EVL: variants seen among roughly 807,000 people sequenced by gnomAD.
The protein encoded by EVL is Enah/Vasp-like.
In EVL, 21 loss-of-function variants were observed where a neutral mutation model predicts 59.6. The observed-to-expected ratio is 0.35, with a 90% CI of 0.25 to 0.51. The LOEUF is 0.51. Among genes scored for constraint, EVL ranks in the 20% least tolerant of loss-of-function variants. The probability of loss-of-function intolerance (pLI) is 0.97; values close to 1 mark genes in which losing one functional copy is unlikely to be tolerated. For missense variants in EVL, 462 were observed against 546.6 expected (o/e 0.85, Z 1.54); for synonymous variants, 198 against 203.5 (o/e 0.97, Z 0.23).
intron 1 of EVL, among the ~76,000 whole-genome samples, chr14:100,004,363 A>T (rs2060965086): frequency 6.6e-6 from 1 of 152,220 alleles, no homozygotes; most frequent in African/African-American, 2.4e-5. Context: ...AAATGGCAAG[A>T]TGCAAGAAAG....
At chr14:100,018,736 A>T (rs886483546) in intron 1 of EVL, among the ~76,000 whole-genome samples, 2 of 152,214 alleles carry the variant, frequency 1.3e-5, no homozygotes, top group East Asian at 3.8e-4. Context: ...ATACGTTTTT[A>T]TTTGAGATCT....
chr14:99,989,759 C>T (rs1279837441), intron 1 of EVL, among the ~76,000 whole-genome samples: 1 of 152,136 alleles, frequency 6.6e-6, no homozygotes. Flanking sequence ...TGGTCTAATA[C>T]CTGACATAGC....
upstream of EVL, among the ~76,000 whole-genome samples, chr14:100,062,298 T>A (rs533526535): frequency 6.6e-6 from 1 of 151,686 alleles, no homozygotes; most frequent in South Asian, 2.1e-4. Flanking sequence ...AGCTACACCA[T>A]AAAGGATGGG....
At chr14:100,012,383 T>C (rs74084422) in intron 1 of EVL, among the ~76,000 whole-genome samples, 12,638 of 152,218 alleles carry the variant, frequency 0.083, 1,803 homozygotes, top group African/African-American at 0.29. Context: ...TATATTTCTT[T>C]ATTGAATGTA....
At chr14:99,979,979 A>C (rs1194932504) in intron 1 of EVL, among the ~76,000 whole-genome samples, 1 of 152,260 alleles carries the variant, frequency 6.6e-6, no homozygotes, top group Non-Finnish European at 1.5e-5. Flanking sequence ...AAGTATAACA[A>C]CTATTTATAT....
intron 11 of EVL, 180 bp from the exon 12 acceptor site, chr14:100,141,000 T>C (rs1463785331): frequency 1.8e-6 from 1 of 566,354 alleles, no homozygotes; most frequent in Non-Finnish European, 3.1e-6. Context: ...TGGAGACCTC[T>C]TGAGGTGGAG....
chr14:99,990,562 C>T (rs1323354601), intron 1 of EVL, among the ~76,000 whole-genome samples: 1 of 152,154 alleles, frequency 6.6e-6, no homozygotes, highest in African/African-American at 2.4e-5. Flanking sequence ...ATTTTGACTA[C>T]TTTAAATACT....
At chr14:100,028,573 G>A (rs1228428134) in intron 1 of EVL, among the ~76,000 whole-genome samples, 2 of 152,206 alleles carry the variant, frequency 1.3e-5, no homozygotes, top group East Asian at 1.9e-4. Flanking sequence ...AGCACTTTGG[G>A]AGGCTGAGGC....
chr14:99,986,311 A>T (rs946211639), intron 1 of EVL, among the ~76,000 whole-genome samples: 2 of 150,056 alleles, frequency 1.3e-5, no homozygotes, highest in Non-Finnish European at 3.0e-5. Flanking sequence ...AAAAAAAAAA[A>T]ATCAAATGTA....
intron 3 of EVL, among the ~76,000 whole-genome samples, chr14:100,117,803 C>A (rs373978062): frequency 1.3e-5 from 2 of 152,160 alleles, no homozygotes; most frequent in African/African-American, 2.4e-5. Flanking sequence ...ACTGATAGCT[C>A]GTGAGGCCCA....
rs776088697 is a variant in EVL at position 100,065,463 on chromosome 14, C to T, written c.-38C>T. 8 of 1,461,552 alleles carry T rather than the reference C, an allele frequency of 5.5e-6. No individual in the cohort carries two copies. Among genetic ancestry groups the T allele is most frequent in the East Asian group, 2.6e-5 (1 of 38,912 alleles). The allele number at this position is 1,461,552 out of a possible 1,614,324, so 90.5% of individuals were successfully genotyped here. A position where few individuals can be genotyped will look rare whatever the true frequency, so the allele number is the denominator to read the frequency against. On this transcript the variant is annotated 5_prime_UTR_variant, in exon 1 of 14. Coordinates refer to ENST00000392920, the MANE Select transcript of EVL (RefSeq NM_016337.3). ...CATAGGCTGGTGGGAGTACAGGACT[C>T]GCCTCCTCAGGGTTCCCTGTGCTGC... is the stretch of plus-strand genomic sequence containing the variant.
upstream of EVL, among the ~76,000 whole-genome samples, chr14:100,061,526 G>C (rs527961568): frequency 1.1e-4 from 14 of 124,852 alleles, 1 homozygote; most frequent in African/African-American, 3.4e-4. Context: ...AAGATTACCA[G>C]AAAAGAGAAA....
At chr14:100,089,891 C>T (rs2062527413) in intron 2 of EVL, among the ~76,000 whole-genome samples, 2 of 152,064 alleles carry the variant, frequency 1.3e-5, no homozygotes, top group Admixed American at 1.3e-4. Flanking sequence ...CATGGTGGTA[C>T]TACTGCACTC....
At chr14:99,973,724 A>T (rs2060751048) in intron 1 of EVL, among the ~76,000 whole-genome samples, 1 of 152,198 alleles carries the variant, frequency 6.6e-6, no homozygotes, top group East Asian at 1.9e-4. Flanking sequence ...TGGCCTCCCA[A>T]ACTGCTGGGA....
At chr14:99,999,362 A>C (rs574176792) in intron 1 of EVL, among the ~76,000 whole-genome samples, 1 of 152,208 alleles carries the variant, frequency 6.6e-6, no homozygotes, top group Non-Finnish European at 1.5e-5. Flanking sequence ...AAATTACTTT[A>C]CCTCTCTGTC....
intron 1 of EVL, among the ~76,000 whole-genome samples, chr14:99,984,026 T>A (rs1383501845): frequency 6.6e-6 from 1 of 152,194 alleles, no homozygotes; most frequent in Non-Finnish European, 1.5e-5. Context: ...ACTTGGTAGA[T>A]GTTTAATAAA....
At chr14:99,985,781 A>T (rs2060836384) in intron 1 of EVL, among the ~76,000 whole-genome samples, 1 of 152,102 alleles carries the variant, frequency 6.6e-6, no homozygotes, top group South Asian at 2.1e-4. Context: ...AAGAAAAAAA[A>T]AAAAAAGTCC....
At chr14:100,013,759 G>A (rs2061032569) in intron 1 of EVL, among the ~76,000 whole-genome samples, 1 of 152,258 alleles carries the variant, frequency 6.6e-6, no homozygotes. Flanking sequence ...ATGCCGAGGG[G>A]CCAGGTTGGC....
At chr14:100,119,563 G>T (rs780108593) in intron 3 of EVL, among the ~76,000 whole-genome samples, 2 of 152,236 alleles carry the variant, frequency 1.3e-5, no homozygotes, top group African/African-American at 2.4e-5. Flanking sequence ...GCAAGGCTTG[G>T]GGGGCAGAGG....
Sources: allele counts gnomAD v4.1 joint callset (sites outside exome capture counted in the v4.1 genomes callset), GRCh38; gene constraint gnomAD v4.1.1; transcripts MANE v1.5; gene names NCBI Gene and HGNC (gene_info 2026-07-23, HGNC 2026-07-21).